RAD51B: variants seen among roughly 807,000 people sequenced by gnomAD.
RAD51B encodes the protein DNA repair protein RAD51 homolog 2.
In RAD51B, 38 loss-of-function variants were observed where a neutral mutation model predicts 42.2. The ratio of observed to expected loss-of-function variants is 0.90; its 90% CI spans 0.70 to 1.18. The LOEUF (loss-of-function observed/expected upper bound fraction) is 1.18. Ranked by LOEUF, RAD51B falls within the 50% of genes most tolerant of loss-of-function variation. RAD51B has a pLI of 0.00. For synonymous variants in RAD51B, 154 were observed against 145.2 expected (o/e 1.06, Z -0.43); for missense variants, 373 against 400.7 (o/e 0.93, Z 0.59).
chr14:67,968,043 C>A (rs2074820868), intron 7 of RAD51B, among the ~76,000 whole-genome samples: 2 of 152,242 alleles, frequency 1.3e-5, no homozygotes, highest in African/African-American at 4.8e-5. Flanking sequence ...CTTCTGTGCA[C>A]CTGCAGGCTC....
intron 10 of RAD51B, chr14:68,594,471 T>G (rs779212841): frequency 1.7e-5 from 23 of 1,363,110 alleles, no homozygotes; most frequent in Non-Finnish European, 2.1e-5. Flanking sequence ...TCCTTTTTTT[T>G]CTCTCTCTCT....
intron 11 of RAD51B, among the ~76,000 whole-genome samples, chr14:68,668,896 T>C (rs1159377168): frequency 1.3e-5 from 2 of 152,248 alleles, no homozygotes; most frequent in Non-Finnish European, 1.5e-5. Context: ...ACTGGTAAAG[T>C]AATTGAACCA....
At chr14:67,838,314 A>T (rs2041313711) in intron 4 of RAD51B, among the ~76,000 whole-genome samples, 1 of 152,224 alleles carries the variant, frequency 6.6e-6, no homozygotes, top group Non-Finnish European at 1.5e-5. Context: ...ACATACACAC[A>T]TGTGGAGGTA....
chr14:68,521,661 G>A (rs886471681), intron 10 of RAD51B, among the ~76,000 whole-genome samples: 2 of 152,184 alleles, frequency 1.3e-5, no homozygotes, highest in Non-Finnish European at 2.9e-5. Flanking sequence ...GCCCTTGAGA[G>A]GGAAGACCTT....
intron 7 of RAD51B, among the ~76,000 whole-genome samples, chr14:68,242,560 G>A (rs1336829949): frequency 6.6e-6 from 1 of 152,040 alleles, no homozygotes; most frequent in Non-Finnish European, 1.5e-5. Flanking sequence ...AGGAAGGTAG[G>A]GTACATAGCA....
At chr14:67,890,952 G>C (rs2043201416) in intron 7 of RAD51B, among the ~76,000 whole-genome samples, 1 of 151,696 alleles carries the variant, frequency 6.6e-6, no homozygotes, top group African/African-American at 2.4e-5. Flanking sequence ...ATAAGTTGTT[G>C]GAATAAAAGA....
chr14:68,059,338 T>C lies in RAD51B; in HGVS notation c.756+172134T>C, dbSNP rs181007202. ...ATCTGAGTATGTAACTGCATTACTT[T>C]TTAACTATTTCTTACCCACGCCTAG... On this transcript the variant is annotated intron_variant, in intron 7 of 10. Coordinates refer to ENST00000471583, the MANE Select transcript of RAD51B (RefSeq NM_133510.4). 1.6e-4 allele frequency among the ~76,000 whole-genome samples: 24 copies of C among 152,348 alleles called. No individual in the cohort carries two copies. In the East Asian group the frequency reaches 1.7e-3, roughly 11 times the overall value.
chr14:68,514,399 C>T (rs1885977523), intron 10 of RAD51B, among the ~76,000 whole-genome samples: 3 of 152,086 alleles, frequency 2.0e-5, no homozygotes, highest in South Asian at 2.1e-4. Context: ...GTATGGAGTT[C>T]CAATGAAACA....
intron 7 of RAD51B, among the ~76,000 whole-genome samples, chr14:68,007,779 A>C (rs1488255124): frequency 6.6e-6 from 1 of 152,040 alleles, no homozygotes. Flanking sequence ...ATAAAGGGCA[A>C]ATATCTCCAT....
chr14:68,677,428 C>T (rs925193999), intron 11 of RAD51B, among the ~76,000 whole-genome samples: 4 of 152,190 alleles, frequency 2.6e-5, no homozygotes, highest in Admixed American at 6.5e-5. Flanking sequence ...TATGTAGTGT[C>T]TCTTCTCTTC....
chr14:68,427,194 G>A (rs528986928), intron 9 of RAD51B, among the ~76,000 whole-genome samples: 2 of 152,374 alleles, frequency 1.3e-5, no homozygotes, highest in South Asian at 4.1e-4. Flanking sequence ...CCATGGCAGA[G>A]AGCCCCATCT....
At chr14:68,479,551 A>T (rs1392813091), downstream of RAD51B, among the ~76,000 whole-genome samples, 1 of 151,944 alleles carries the variant, frequency 6.6e-6, no homozygotes, top group Non-Finnish European at 1.5e-5. Context: ...TTCCCATTAG[A>T]TCATACTCTT....
At chr14:68,009,083 A>G (rs1371236182) in intron 7 of RAD51B, among the ~76,000 whole-genome samples, 1 of 151,950 alleles carries the variant, frequency 6.6e-6, no homozygotes, top group Non-Finnish European at 1.5e-5. Context: ...CCATCTCCCT[A>G]GTTTCAGGAT....
chr14:68,508,191 A>G (rs1594925800), intron 10 of RAD51B, among the ~76,000 whole-genome samples: 3 of 152,208 alleles, frequency 2.0e-5, no homozygotes, highest in African/African-American at 7.2e-5. Context: ...TGGTGATGGA[A>G]GTTTGCTTTA....
At chr14:68,292,461 C>T (rs2081535211) in intron 8 of RAD51B, among the ~76,000 whole-genome samples, 1 of 152,144 alleles carries the variant, frequency 6.6e-6, no homozygotes, top group Non-Finnish European at 1.5e-5. Flanking sequence ...TTTTCTCCAC[C>T]CTCCCCTGCT....
intron 7 of RAD51B, among the ~76,000 whole-genome samples, chr14:68,168,738 G>A (rs2078806515): frequency 6.6e-6 from 1 of 152,100 alleles, no homozygotes. Context: ...ACCCACTTAA[G>A]TGACCTATTT....
intron 8 of RAD51B, among the ~76,000 whole-genome samples, chr14:68,325,460 A>G (rs1342583394): frequency 6.6e-6 from 1 of 152,194 alleles, no homozygotes. Flanking sequence ...TTTATTGCAC[A>G]GGGACTATAT....
At chr14:68,421,897 T>C (rs2084710087) in intron 9 of RAD51B, 1 of 1,586,520 alleles carries the variant, frequency 6.3e-7, no homozygotes, top group Non-Finnish European at 8.6e-7. Flanking sequence ...GCATTTGCCA[T>C]GGACAAGATG....
intron 10 of RAD51B, among the ~76,000 whole-genome samples, chr14:68,522,907 GAAC>G (rs1303256129): frequency 6.6e-6 from 1 of 152,170 alleles, no homozygotes; most frequent in Non-Finnish European, 1.5e-5. Flanking sequence ...CAATTTGCAG[GAAC>G]AACCTCTGCA....
Sources: gnomAD v4.1 joint callset for allele counts (sites outside exome capture counted in the v4.1 genomes callset) on GRCh38, gnomAD v4.1.1 for gene constraint, MANE v1.5 for transcripts, NCBI Gene and HGNC (gene_info 2026-07-23, HGNC 2026-07-21) for gene names.